The following MAPK10 variants were observed in gnomAD, a reference collection of about 807,000 sequenced individuals.
MAPK10 encodes mitogen-activated protein kinase 10.
In MAPK10, 25 loss-of-function variants were observed where a neutral mutation model predicts 59.3. The observed-to-expected ratio is 0.42, with a 90% CI of 0.31 to 0.59. MAPK10 has a LOEUF of 0.59. Among genes scored for constraint, MAPK10 ranks in the 20% least tolerant of loss-of-function variants. The pLI, the probability that MAPK10 is intolerant of heterozygous loss-of-function variation, is 0.15. For missense variants in MAPK10, 351 were observed against 568.9 expected (o/e 0.62, Z 3.90); for synonymous variants, 190 against 200.5 (o/e 0.95, Z 0.44).
chr4:86,234,601 A>C (rs954266517), intron 2 of MAPK10, among the ~76,000 whole-genome samples: 8 of 152,260 alleles, frequency 5.3e-5, no homozygotes, highest in Non-Finnish European at 1.2e-4. Flanking sequence ...TGTATTAACA[A>C]GTAAGAGAAT....
At chr4:86,023,752 G>T (rs1333819942) in intron 13 of MAPK10, among the ~76,000 whole-genome samples, 2 of 137,838 alleles carry the variant, frequency 1.5e-5, no homozygotes, top group Non-Finnish European at 3.2e-5. Context: ...TTATACTGAG[G>T]ACTTATTTGA....
chr4:86,310,617 T>A (rs1360512539), intron 2 of MAPK10, among the ~76,000 whole-genome samples: 1 of 152,162 alleles, frequency 6.6e-6, no homozygotes, highest in Admixed American at 6.5e-5. Flanking sequence ...CAGTATAACA[T>A]GTCAAGGGAA....
chr4:86,523,800 G>A (rs527508122), intron 1 of MAPK10, among the ~76,000 whole-genome samples: 3 of 152,230 alleles, frequency 2.0e-5, no homozygotes, highest in Non-Finnish European at 2.9e-5. Flanking sequence ...CTAAATATCC[G>A]ATGGTTATTT....
rs148769799 is a variant in MAPK10 at position 86,343,001 on chromosome 4, G to A, written c.-7+11529C>T. ...CACAGATCATTCAGGGCCTCCCTCA[G>A]TCTGGCCCCAATCTATTTTCCTAGC... On this transcript the variant is annotated intron_variant, in intron 2 of 13. Coordinates refer to ENST00000641462, the MANE Select transcript of MAPK10 (RefSeq NM_138982.4). 6.0e-3 allele frequency among the ~76,000 whole-genome samples: 908 copies of A among 152,182 alleles called. 2 individuals carry two copies. Among genetic ancestry groups the A allele is most frequent in the South Asian group, 0.027 (128 of 4,820 alleles).
At position 86,010,794 on chromosome 4, in the gene MAPK10, T is replaced by C. The variant is rs1294861753; in HGVS notation, c.*6434A>G. The stretch of plus-strand genomic sequence containing the variant: ...ACAAGTGTTAATGGAAGGCGAATTA[T>C]GTGTGGGACAGTCTTCTAGGGAATA... On this transcript the variant is annotated 3_prime_UTR_variant, in exon 14 of 14. Transcript: ENST00000641462. The C allele has an allele frequency of 1.3e-5, 2 of 152,230 alleles. No individual in the cohort carries two copies. The highest frequency in any genetic ancestry group is 1.9e-4 in the East Asian group (1 of 5,202). The allele number at this position is 152,230 out of a possible 1,614,324, so 9.4% of individuals were successfully genotyped here.
At chr4:86,189,049 G>A (rs951859382) in intron 3 of MAPK10, among the ~76,000 whole-genome samples, 1 of 152,134 alleles carries the variant, frequency 6.6e-6, no homozygotes, top group South Asian at 2.1e-4. Flanking sequence ...AGATCAGATG[G>A]TTGTAGATTT....
At chr4:86,309,474 A>T (rs2095629346) in intron 2 of MAPK10, among the ~76,000 whole-genome samples, 1 of 152,212 alleles carries the variant, frequency 6.6e-6, no homozygotes, top group Non-Finnish European at 1.5e-5. Flanking sequence ...TGCAGCCTAC[A>T]TTCAACAGTC....
At chr4:86,083,074 A>G (rs1205586951) in intron 9 of MAPK10, among the ~76,000 whole-genome samples, 2 of 152,178 alleles carry the variant, frequency 1.3e-5, no homozygotes, top group African/African-American at 2.4e-5. Flanking sequence ...AAAAGATATA[A>G]TATCTTTTTA....
intron 1 of MAPK10, among the ~76,000 whole-genome samples, chr4:86,403,045 A>T (rs866818234): frequency 6.6e-6 from 1 of 152,188 alleles, no homozygotes; most frequent in African/African-American, 2.4e-5. Context: ...GCAGTTAAAT[A>T]TAATATCAAG....
At chr4:86,244,741 A>G (rs1410330369) in intron 2 of MAPK10, among the ~76,000 whole-genome samples, 1 of 152,236 alleles carries the variant, frequency 6.6e-6, no homozygotes, top group East Asian at 1.9e-4. Flanking sequence ...AGGCCATAAA[A>G]TGTTAGCAAC....
In MAPK10 at chr4:86,012,772, C is replaced by G. The variant is rs1741746038; in HGVS notation, c.*4456G>C. On this transcript the variant is annotated 3_prime_UTR_variant, in exon 14 of 14. Coordinates refer to ENST00000641462, the MANE Select transcript of MAPK10 (RefSeq NM_138982.4). Reference sequence around the variant, plus strand: ...TGAATTTAGTTCTCACTGCTCAGACCTTGCAAAGAAACTGGACGTACATGG... The same window carrying G: ...TGAATTTAGTTCTCACTGCTCAGACGTTGCAAAGAAACTGGACGTACATGG... 1 of 152,180 alleles carries G rather than the reference C, an allele frequency of 6.6e-6. No homozygotes were observed. Among genetic ancestry groups the G allele is most frequent in the African/African-American group, 2.4e-5 (1 of 41,438 alleles). The allele number at this position is 152,180 out of a possible 1,614,324, so 9.4% of individuals were successfully genotyped here. A position where few individuals can be genotyped will look rare whatever the true frequency, so the allele number is the denominator to read the frequency against.
intron 1 of MAPK10, among the ~76,000 whole-genome samples, chr4:86,460,737 G>A (rs1751659156): frequency 6.6e-6 from 1 of 152,218 alleles, no homozygotes; most frequent in South Asian, 2.1e-4. Flanking sequence ...TGAGTGATGG[G>A]TTCCTTAAGG....
At chr4:86,069,557 T>C (rs2047387257) in intron 9 of MAPK10, among the ~76,000 whole-genome samples, 2 of 152,108 alleles carry the variant, frequency 1.3e-5, no homozygotes, top group Admixed American at 6.5e-5. Flanking sequence ...CCTGTATTAA[T>C]ACTATGGATA....
At chr4:86,565,158 T>G (rs1027572493) in intron 1 of MAPK10, among the ~76,000 whole-genome samples, 1 of 152,158 alleles carries the variant, frequency 6.6e-6, no homozygotes, top group African/African-American at 2.4e-5. Context: ...AACAACACAT[T>G]AAGCAAATCA....
At chr4:86,064,592 C>T (rs2046361103) in intron 10 of MAPK10, 1 of 574,940 alleles carries the variant, frequency 1.7e-6, no homozygotes, top group Non-Finnish European at 3.1e-6. Flanking sequence ...TTCTGAGGCT[C>T]TCCAAGGGTT....
At chr4:86,104,594 T>G (rs2056203504) in intron 5 of MAPK10, among the ~76,000 whole-genome samples, 1 of 152,086 alleles carries the variant, frequency 6.6e-6, no homozygotes, top group South Asian at 2.1e-4. Context: ...TTAGAGACTG[T>G]GTATACAGCA....
chr4:86,142,589 A>G (rs1405202051), intron 4 of MAPK10, among the ~76,000 whole-genome samples: 4 of 152,178 alleles, frequency 2.6e-5, no homozygotes, highest in Non-Finnish European at 5.9e-5. Flanking sequence ...ATTATGTTAG[A>G]TTGTTTTATT....
At chr4:86,261,945 G>A (rs780577057) in intron 2 of MAPK10, among the ~76,000 whole-genome samples, 2 of 152,244 alleles carry the variant, frequency 1.3e-5, no homozygotes, top group Non-Finnish European at 2.9e-5. Context: ...GCCCTGCTGG[G>A]CAACTAAGGT....
chr4:86,368,291 T>G (rs545797531), intron 1 of MAPK10, among the ~76,000 whole-genome samples: 8 of 152,172 alleles, frequency 5.3e-5, no homozygotes, highest in Non-Finnish European at 8.8e-5. Context: ...TCCCTCCCCA[T>G]AGTTTCCCCT....
Sources: gnomAD v4.1 joint callset for allele counts (sites outside exome capture counted in the v4.1 genomes callset) on GRCh38, gnomAD v4.1.1 for gene constraint, MANE v1.5 for transcripts, NCBI Gene and HGNC (gene_info 2026-07-23, HGNC 2026-07-21) for gene names.